Variants in B4GALNT2 observed in about 807,000 individuals in gnomAD.
B4GALNT2 encodes beta-1,4-N-acetyl-galactosaminyltransferase 2 (SID blood group).
B4GALNT2 carries 42 observed loss-of-function variants against 51.1 expected under a neutral mutation model. The ratio of observed to expected loss-of-function variants is 0.82; its 90% CI spans 0.64 to 1.06. The LOEUF is 1.06. B4GALNT2 is among the 50% of genes least tolerant of loss of function. The pLI, the probability that B4GALNT2 is intolerant of heterozygous loss-of-function variation, is 0.00. For missense variants in B4GALNT2, 602 were observed against 633.6 expected, an observed-to-expected ratio of 0.95 and a Z score of 0.54; for synonymous variants, 253 against 251.7, an observed-to-expected ratio of 1.01 and a Z score of -0.05.
intron 1 of B4GALNT2, among the ~76,000 whole-genome samples, chr17:49,134,649 G>T (rs1388242263): frequency 3.9e-5 from 6 of 152,118 alleles, no homozygotes; most frequent in Middle Eastern, 3.2e-3. Context: ...GTGCAGTGGC[G>T]CAATCTCGGC....
At chr17:49,141,122 C>T in intron 1 of B4GALNT2, 125 bp from the exon 2 acceptor site, 1 of 836,706 alleles carries the variant, frequency 1.2e-6, no homozygotes, top group South Asian at 1.7e-5. Flanking sequence ...TATCAGAAAT[C>T]GATTTTAGTG....
intron 7 of B4GALNT2, 149 bp downstream of exon 7, chr17:49,160,790 C>A: frequency 1.4e-6 from 1 of 695,828 alleles, no homozygotes; most frequent in Non-Finnish European, 2.4e-6. Flanking sequence ...AGGAAAAAAA[C>A]TCTAAGACAC....
At chr17:49,145,881 G>C (rs1184808163) in intron 3 of B4GALNT2, among the ~76,000 whole-genome samples, 2 of 152,182 alleles carry the variant, frequency 1.3e-5, no homozygotes, top group Admixed American at 6.5e-5. Flanking sequence ...GGAGTCCAAA[G>C]TGTCCAGGTG....
chr17:49,132,993 G>A lies in B4GALNT2; in HGVS notation c.14+187G>A, dbSNP rs780615370. On this transcript the variant is annotated intron_variant, in intron 1 of 10. Coordinates refer to ENST00000393354, the MANE Select transcript of B4GALNT2 (RefSeq NM_001159387.2). ...TAGGTGGCTGCAGAGGCGAGGTGACGGCGCGTGCGGAACGAACTCTGCACC... is the reference window on the plus strand; with the variant it reads ...TAGGTGGCTGCAGAGGCGAGGTGACAGCGCGTGCGGAACGAACTCTGCACC... 2.8e-6 allele frequency: 4 copies of A among 1,446,868 alleles called. No homozygotes were observed. The African/African-American group carries it at 4.5e-5, about 16-fold the overall frequency. The allele number at this position is 1,446,868 out of a possible 1,614,324, so 89.6% of individuals were successfully genotyped here.
intron 3 of B4GALNT2, among the ~76,000 whole-genome samples, chr17:49,147,807 A>G (rs1411478440): frequency 3.3e-5 from 5 of 151,852 alleles, no homozygotes; most frequent in South Asian, 2.1e-4. Flanking sequence ...ATTATTCCAC[A>G]CTATTTTTAA....
intron 8 of B4GALNT2, among the ~76,000 whole-genome samples, chr17:49,165,305 A>G (rs1265138756): frequency 8.5e-6 from 1 of 117,426 alleles, no homozygotes; most frequent in Non-Finnish European, 1.8e-5. Context: ...CTCCCTCCCC[A>G]CTCTCTCTTT....
At chr17:49,133,256 G>A in intron 1 of B4GALNT2, 3 of 1,454,098 alleles carry the variant, frequency 2.1e-6, no homozygotes, top group Non-Finnish European at 2.7e-6. Context: ...TGCGGGCTGT[G>A]GACAGTCGGG....
chr17:49,166,645 T>C (rs573381163), intron 9 of B4GALNT2, among the ~76,000 whole-genome samples: 6 of 152,228 alleles, frequency 3.9e-5, no homozygotes, highest in Admixed American at 2.0e-4. Flanking sequence ...ACGGCACTAA[T>C]GACATTCTAA....
At chr17:49,140,564 A>G (rs1043781849) in intron 1 of B4GALNT2, among the ~76,000 whole-genome samples, 39 of 152,034 alleles carry the variant, frequency 2.6e-4, no homozygotes. Flanking sequence ...ATATCCTGCC[A>G]TTTTTTACTT....
intron 9 of B4GALNT2, among the ~76,000 whole-genome samples, chr17:49,166,940 G>A (rs543725646): frequency 6.8e-4 from 104 of 152,308 alleles, no homozygotes; most frequent in Non-Finnish European, 1.2e-3. Flanking sequence ...CTGCACTCCA[G>A]CCTGGACGAC....
At position 49,160,649 on chromosome 17, in the gene B4GALNT2, C is replaced by T. The variant is rs1191561596; in HGVS notation, c.766+8C>T. ...TATACGACCCTGGACCAGGTAAGGC[C>T]CTTGTCCTTGGGGCTCCGTGGTGGC... On this transcript the variant is annotated splice_region_variant and intron_variant, in intron 7 of 10. Coordinates refer to ENST00000393354, the MANE Select transcript of B4GALNT2 (RefSeq NM_001159387.2). 11 of 1,612,664 alleles carry T rather than the reference C, an allele frequency of 6.8e-6. No homozygotes were observed. Among genetic ancestry groups the T allele is most frequent in the South Asian group, 1.1e-5 (1 of 91,040 alleles).
intron 5 of B4GALNT2, 110 bp downstream of exon 5, chr17:49,156,713 A>G: frequency 7.8e-7 from 1 of 1,279,304 alleles, no homozygotes; most frequent in Non-Finnish European, 1.1e-6. Flanking sequence ...AAGGTCAGAC[A>G]TGAGCCCAAG....
At chr17:49,135,771 A>G (rs908637934) in intron 1 of B4GALNT2, among the ~76,000 whole-genome samples, 7 of 151,592 alleles carry the variant, frequency 4.6e-5, no homozygotes, top group African/African-American at 1.7e-4. Context: ...GCTCTAAAAA[A>G]GGAAAATCCT....
At position 49,175,684 on chromosome 17, in the gene B4GALNT2, G is replaced by T. The variant is rs1174209277; in HGVS notation, c.*5956G>T. On this transcript the variant is annotated 3_prime_UTR_variant, in exon 11 of 11. Transcript: ENST00000393354. ...TAATATTTCCCTGTTGATCTGGGGG[G>T]TATATCCTAACAGGGAACTGCCAAG... 6.6e-6 allele frequency: 1 copy of T among 152,114 alleles called. No homozygotes were observed. The highest frequency in any genetic ancestry group is 2.4e-5 in the African/African-American group (1 of 41,408). 9.4% of individuals were successfully genotyped at this position (152,114 alleles called of 1,614,324 possible). A position where few individuals can be genotyped will look rare whatever the true frequency, so the allele number is the denominator to read the frequency against.
chr17:49,126,195 C>G, the B4GALNT2 span, among the ~76,000 whole-genome samples: 1 of 152,144 alleles, frequency 6.6e-6, no homozygotes, highest in African/African-American at 2.4e-5. Flanking sequence ...GATCTATGAC[C>G]TTACCCCCAA....
Position 49,168,736 on chromosome 17 carries a change from G to A in B4GALNT2, c.1151G>A (p.Ser384Asn), listed in dbSNP as rs1268803929. ...CAGTTTAAGTTGTTGCTGGAACAGA[G>A]TGAGAATGGGGCCTGCCTTCACAAG... ...VFQFKLLLEQ[S>N]ENGACLHKRM... Residue 384 changes from serine to asparagine, a missense_variant, in exon 10 of 11, where the codon AGT becomes AAT. By Grantham distance (46) the Ser-to-Asn change is conservative. Coordinates refer to ENST00000393354, the MANE Select transcript of B4GALNT2 (RefSeq NM_001159387.2). 3.1e-6 allele frequency: 5 copies of A among 1,614,046 alleles called. No individual in the cohort carries two copies. The highest frequency in any genetic ancestry group is 4.2e-6 in the Non-Finnish European group (5 of 1,180,044).
At chr17:49,129,190 CAGAGAGAG>C (rs35327541), upstream of B4GALNT2, among the ~76,000 whole-genome samples, 4 of 148,614 alleles carry the variant, frequency 2.7e-5, no homozygotes, top group Admixed American at 6.7e-5. Context: ...AAGAGAGAGA[CAGAGAGAG>C]AGAGAGAGAG....
At chr17:49,168,120 C>T (rs970251973) in intron 9 of B4GALNT2, among the ~76,000 whole-genome samples, 3 of 152,186 alleles carry the variant, frequency 2.0e-5, no homozygotes, top group Non-Finnish European at 2.9e-5. Flanking sequence ...TTTACCACAT[C>T]ACCCTTAGAG....
At chr17:49,120,672 AT>A in the B4GALNT2 span, among the ~76,000 whole-genome samples, 11 of 150,828 alleles carry the variant, frequency 7.3e-5, no homozygotes, top group Admixed American at 6.0e-4. Context: ...TGCCTGGCTA[AT>A]TTTTTTTTGT....
Sources: gnomAD v4.1 joint callset for allele counts (sites outside exome capture counted in the v4.1 genomes callset) on GRCh38, gnomAD v4.1.1 for gene constraint, MANE v1.5 for transcripts, NCBI Gene and HGNC (gene_info 2026-07-23, HGNC 2026-07-21) for gene names.